Variants in CNOT2 observed in about 807,000 individuals in gnomAD.
CNOT2 encodes the protein CCR4-NOT transcription complex subunit 2.
CNOT2 carries 7 observed loss-of-function variants against 72.1 expected under a neutral mutation model. That is an observed-to-expected ratio of 0.10 (90% CI 0.06 to 0.18). CNOT2 has a LOEUF of 0.18. Among genes scored for constraint, CNOT2 ranks in the 10% least tolerant of loss-of-function variants. The pLI, the probability that CNOT2 is intolerant of heterozygous loss-of-function variation, is 1.00. For synonymous variants in CNOT2, 196 were observed against 225.6 expected (o/e 0.87, Z 1.17); for missense variants, 345 against 660.3 (o/e 0.52, Z 5.23).
chr12:70,292,557 G>A (rs147152516), intron 2 of CNOT2, among the ~76,000 whole-genome samples: 1 of 152,264 alleles, frequency 6.6e-6, no homozygotes, highest in East Asian at 1.9e-4. Context: ...GAGTATGTCC[G>A]ATGTGTTTGA....
chr12:70,299,236 AT>A (rs1367810532), intron 2 of CNOT2, among the ~76,000 whole-genome samples: 1 of 151,900 alleles, frequency 6.6e-6, no homozygotes, highest in Non-Finnish European at 1.5e-5. Context: ...TTTTATTATT[AT>A]TATACTTTAA....
chr12:70,340,528 C>T (rs1465984295), intron 11 of CNOT2, among the ~76,000 whole-genome samples: 1 of 152,110 alleles, frequency 6.6e-6, no homozygotes, highest in Admixed American at 6.6e-5. Flanking sequence ...TGAATGATCA[C>T]CCCCCAACTT....
chr12:70,314,725 C>T (rs1375844079), intron 3 of CNOT2, among the ~76,000 whole-genome samples: 1 of 152,048 alleles, frequency 6.6e-6, no homozygotes, highest in Admixed American at 6.6e-5. Context: ...ATTTGAAATA[C>T]CTAGTAGATG....
chr12:70,298,361 T>C (rs115291837), intron 2 of CNOT2, among the ~76,000 whole-genome samples: 1,698 of 152,316 alleles, frequency 0.011, 32 homozygotes, highest in African/African-American at 0.038. Context: ...AAATTGTTAG[T>C]TGTATATTTG....
intron 2 of CNOT2, among the ~76,000 whole-genome samples, chr12:70,288,430 A>G (rs1009261059): frequency 6.6e-6 from 1 of 152,124 alleles, no homozygotes; most frequent in Non-Finnish European, 1.5e-5. Flanking sequence ...GATTACAGGC[A>G]TGAGCCACCG....
At chr12:70,310,621 G>C (rs1876283681) in intron 2 of CNOT2, among the ~76,000 whole-genome samples, 1 of 152,028 alleles carries the variant, frequency 6.6e-6, no homozygotes, top group Non-Finnish European at 1.5e-5. Flanking sequence ...GGCCATTTTT[G>C]AAGAGTAAGG....
chr12:70,288,029 A>G (rs1049460959), intron 2 of CNOT2, among the ~76,000 whole-genome samples: 1 of 149,068 alleles, frequency 6.7e-6, no homozygotes, highest in Non-Finnish European at 1.5e-5. Context: ...GTGGCTATAA[A>G]TTTTCAGAGC....
intron 14 of CNOT2, chr12:70,345,348 T>G (rs979450246): frequency 2.0e-5 from 3 of 152,190 alleles, no homozygotes; most frequent in African/African-American, 4.8e-5. Flanking sequence ...TCCCTTATGT[T>G]TTTCCTTCAT....
intron 1 of CNOT2, among the ~76,000 whole-genome samples, chr12:70,252,410 C>T (rs995730956): frequency 6.6e-6 from 1 of 152,146 alleles, no homozygotes; most frequent in African/African-American, 2.4e-5. Context: ...TGGTCTTGAA[C>T]TCCTGCGCTC....
chr12:70,285,526 C>CT (rs1404538834), intron 2 of CNOT2: 1 of 151,926 alleles, frequency 6.6e-6, no homozygotes, highest in African/African-American at 2.4e-5. Flanking sequence ...GCAAAGTTAT[C>CT]TTTTAAGAGG....
At chr12:70,317,611 ATTTTTTTTTTT>A (rs529433652) in intron 3 of CNOT2, among the ~76,000 whole-genome samples, 2 of 105,456 alleles carry the variant, frequency 1.9e-5, no homozygotes, top group Non-Finnish European at 3.8e-5. Flanking sequence ...ATAAGGTTTG[ATTTTTTTTTTT>A]TTTTTTTTTT....
At chr12:70,330,518 A>G (rs749955999) in intron 6 of CNOT2, 49 bp downstream of exon 6, 2 of 1,360,848 alleles carry the variant, frequency 1.5e-6, no homozygotes, top group East Asian at 4.9e-5. Flanking sequence ...GGGTATACTC[A>G]GATTTGCCTT....
At chr12:70,338,965 T>G (rs79482870) in intron 11 of CNOT2, 143 bp downstream of exon 11, 36,652 of 707,538 alleles carry the variant, frequency 0.052, 4,260 homozygotes, top group East Asian at 0.42. Context: ...TCATGTTAGC[T>G]CTTAGATCAC....
chr12:70,350,681 G>C (rs1466994556), intron 15 of CNOT2, among the ~76,000 whole-genome samples: 1 of 152,018 alleles, frequency 6.6e-6, no homozygotes, highest in Non-Finnish European at 1.5e-5. Context: ...TTACCCTCAG[G>C]GTATGTGAAT....
intron 1 of CNOT2, among the ~76,000 whole-genome samples, chr12:70,261,652 G>A (rs1043704953): frequency 1.3e-5 from 2 of 151,878 alleles, no homozygotes; most frequent in South Asian, 2.1e-4. Context: ...ATATCAGTCT[G>A]TAGTTTTCAT....
intron 2 of CNOT2, among the ~76,000 whole-genome samples, chr12:70,299,270 C>T (rs1221328102): frequency 4.6e-5 from 7 of 151,912 alleles, no homozygotes; most frequent in East Asian, 1.9e-4. Flanking sequence ...ATGTGCACAA[C>T]GTGCAGGTTT....
intron 1 of CNOT2, among the ~76,000 whole-genome samples, chr12:70,266,423 G>A (rs535536263): frequency 2.6e-5 from 4 of 152,200 alleles, no homozygotes; most frequent in East Asian, 3.9e-4. Flanking sequence ...GCACCCGGCC[G>A]TTGAAATTAT....
chr12:70,268,194 T>C (rs1241323362), intron 1 of CNOT2, among the ~76,000 whole-genome samples: 1 of 152,216 alleles, frequency 6.6e-6, no homozygotes, highest in Non-Finnish European at 1.5e-5. Context: ...GAAAGTGTCT[T>C]TATTTCACCT....
At chr12:70,316,926 A>G (rs1524249) in intron 3 of CNOT2, among the ~76,000 whole-genome samples, 6,895 of 152,266 alleles carry the variant, frequency 0.045, 669 homozygotes, top group East Asian at 0.44. Flanking sequence ...TTAACTATTC[A>G]ATAAACATAA....
Sources: gnomAD v4.1 joint callset for allele counts (sites outside exome capture counted in the v4.1 genomes callset) on GRCh38, gnomAD v4.1.1 for gene constraint, MANE v1.5 for transcripts, NCBI Gene and HGNC (gene_info 2026-07-23, HGNC 2026-07-21) for gene names.